GTF2IRD1: variants seen among roughly 807,000 people sequenced by gnomAD.
GTF2IRD1 encodes the protein general transcription factor II-I repeat domain-containing protein 1.
In GTF2IRD1, 26 loss-of-function variants were observed where a neutral mutation model predicts 113.2. The observed-to-expected ratio is 0.23, with a 90% CI of 0.17 to 0.32. The LOEUF (loss-of-function observed/expected upper bound fraction) is 0.32. Ranked by LOEUF, GTF2IRD1 falls within the 10% of genes least tolerant of loss-of-function variation. GTF2IRD1 has a pLI of 1.00. For synonymous variants in GTF2IRD1, 484 were observed against 529.1 expected (o/e 0.91, Z 1.17); for missense variants, 864 against 1,280.8 (o/e 0.67, Z 4.97).
chr7:74,460,398 C>T (rs1554328819), intron 1 of GTF2IRD1, among the ~76,000 whole-genome samples: 1 of 148,590 alleles, frequency 6.7e-6, no homozygotes, highest in Non-Finnish European at 1.5e-5. Flanking sequence ...AGCCTCTGCA[C>T]CTAGCTAATT....
chr7:74,536,299 G>A (rs782565324), intron 11 of GTF2IRD1, 24 bp downstream of exon 11: 1 of 1,466,948 alleles, frequency 6.8e-7, no homozygotes, highest in South Asian at 1.1e-5. Context: ...CCTGGCCCCG[G>A]AGGCCCGCGG....
At chr7:74,480,089 C>G (rs1362813337) in intron 1 of GTF2IRD1, among the ~76,000 whole-genome samples, 1 of 152,118 alleles carries the variant, frequency 6.6e-6, no homozygotes, top group Admixed American at 6.6e-5. Context: ...GAATTTTCCC[C>G]CGACTTGTAT....
intron 1 of GTF2IRD1, among the ~76,000 whole-genome samples, chr7:74,487,017 A>G (rs555822466): frequency 6.6e-5 from 10 of 152,156 alleles, no homozygotes; most frequent in Non-Finnish European, 1.5e-4. Flanking sequence ...AGTGATGTAG[A>G]TGAGAGAATT....
intron 6 of GTF2IRD1, 56 bp from the exon 7 acceptor site, chr7:74,521,152 C>A: frequency 9.9e-7 from 1 of 1,008,384 alleles, no homozygotes; most frequent in Admixed American, 1.7e-5. Context: ...GGGGCCAGAT[C>A]TGGGGAACCC....
intron 9 of GTF2IRD1, among the ~76,000 whole-genome samples, chr7:74,534,405 C>T (rs1798155948): frequency 6.6e-6 from 1 of 152,188 alleles, no homozygotes; most frequent in Admixed American, 6.6e-5. Flanking sequence ...AGTTCGAGAC[C>T]AGCCTGGCCA....
intron 22 of GTF2IRD1, among the ~76,000 whole-genome samples, chr7:74,578,465 C>T (rs1251613163): frequency 8.5e-5 from 13 of 152,196 alleles, no homozygotes; most frequent in African/African-American, 2.4e-4. Context: ...CATGAGCCAC[C>T]GCGCCCAGCC....
rs587667671 is a variant in GTF2IRD1 at position 74,523,522 on chromosome 7, C to G, written c.1007-549C>G. On this transcript the variant is annotated intron_variant, in intron 7 of 26. Coordinates refer to ENST00000424337, the MANE Select transcript of GTF2IRD1 (RefSeq NM_005685.4). ...ATCACCTGAGGTCAGGAGTTCGACA[C>G]CAGCCTGGCCAACATGGTGAAACCC... is the stretch of plus-strand genomic sequence containing the variant. Among the ~76,000 whole-genome samples the G allele has an allele frequency of 2.6e-5, 4 of 152,322 alleles. No homozygotes were observed. The South Asian group carries it at 8.3e-4, about 32-fold the overall frequency.
intron 1 of GTF2IRD1, among the ~76,000 whole-genome samples, chr7:74,460,418 T>A (rs972802093): frequency 4.7e-4 from 17 of 36,220 alleles, no homozygotes; most frequent in African/African-American, 1.5e-3. Flanking sequence ...TAAAAAAAAA[T>A]TTTTTTTTTT....
At chr7:74,584,181 T>C (rs587773088) in intron 22 of GTF2IRD1, among the ~76,000 whole-genome samples, 36 of 152,098 alleles carry the variant, frequency 2.4e-4, no homozygotes, top group African/African-American at 8.4e-4. Context: ...AGGGCCTGGG[T>C]ACGGTGGCTC....
chr7:74,480,387 G>A (rs1183431078), intron 1 of GTF2IRD1, among the ~76,000 whole-genome samples: 3 of 152,218 alleles, frequency 2.0e-5, no homozygotes, highest in Non-Finnish European at 2.9e-5. Flanking sequence ...AGGGGCCCCA[G>A]TGCAGGGGCA....
chr7:74,562,213 G>A (rs1430594217), intron 22 of GTF2IRD1, among the ~76,000 whole-genome samples: 1 of 152,234 alleles, frequency 6.6e-6, no homozygotes, highest in Non-Finnish European at 1.5e-5. Context: ...AATCGGAGTG[G>A]AAGCTGGGGT....
At chr7:74,522,742 C>A (rs2130326069) in intron 7 of GTF2IRD1, among the ~76,000 whole-genome samples, 1 of 152,270 alleles carries the variant, frequency 6.6e-6, no homozygotes, top group South Asian at 2.1e-4. Context: ...TTATCACAAG[C>A]AAGATACTCA....
At chr7:74,510,971 C>T (rs1796598083) in intron 2 of GTF2IRD1, among the ~76,000 whole-genome samples, 1 of 151,838 alleles carries the variant, frequency 6.6e-6, no homozygotes, top group South Asian at 2.1e-4. Flanking sequence ...ATCGCCTGAG[C>T]CTGGGAGGCA....
intron 7 of GTF2IRD1, among the ~76,000 whole-genome samples, chr7:74,523,509 C>T (rs1797410932): frequency 6.6e-6 from 1 of 152,160 alleles, no homozygotes; most frequent in East Asian, 1.9e-4. Flanking sequence ...CACCTGAGGT[C>T]AGGAGTTCGA....
chr7:74,515,516 T>C lies in GTF2IRD1; in HGVS notation c.341T>C (p.Leu114Pro). 2 of 1,613,748 alleles carry C rather than the reference T, an allele frequency of 1.2e-6. No individual in the cohort carries two copies. The highest frequency in any genetic ancestry group is 1.7e-6 in the Non-Finnish European group (2 of 1,179,794). ...CGGGGCGAGGGTGGAGGCCGTAGCC[T>C]CCCTCGGTCCTCCCTGGAACATGGC... ...VQRGEGGGRSLPRSSLEHGSD... is the reference protein window; with the variant it reads ...VQRGEGGGRSPPRSSLEHGSD... Residue 114 changes from leucine to proline, a missense_variant, in exon 4 of 27, where the codon CTC becomes CCC. Leu to Pro is a moderately conservative substitution (Grantham distance 98). This residue lies in a region of GTF2IRD1 where 182 missense variants were observed against 266.6 expected (regional missense o/e 0.68). Coordinates refer to ENST00000424337, the MANE Select transcript of GTF2IRD1 (RefSeq NM_005685.4).
rs782599594 is a variant in GTF2IRD1, at chr7:74,538,010, C to T, written c.1410-126C>T. The T allele has an allele frequency of 6.9e-5, 56 of 809,830 alleles. No homozygotes were observed. The African/African-American group carries it at 7.7e-4, about 11-fold the overall frequency. 50.2% of individuals were successfully genotyped at this position (809,830 alleles called of 1,614,324 possible). ...AGCACCATCCTGGAGGGCCAGGGGC[C>T]GATGGGGACAGGGATGCCTTCTGCA... On this transcript the variant is annotated intron_variant, in intron 11 of 26. Coordinates refer to ENST00000424337, the MANE Select transcript of GTF2IRD1 (RefSeq NM_005685.4).
chr7:74,531,739 G>A (rs1797976205), intron 9 of GTF2IRD1, among the ~76,000 whole-genome samples: 1 of 152,062 alleles, frequency 6.6e-6, no homozygotes, highest in Admixed American at 6.6e-5. Flanking sequence ...AAAAAAGTGG[G>A]GGGAGCCAGG....
chr7:74,477,128 C>G lies in GTF2IRD1; in HGVS notation c.-7+22952C>G, dbSNP rs1584479066. Among the ~76,000 whole-genome samples, 3 of 152,080 alleles carry G rather than the reference C, an allele frequency of 2.0e-5. 1 individual carries two copies. In the South Asian group the frequency reaches 6.2e-4, roughly 32 times the overall value. On this transcript the variant is annotated intron_variant, in intron 1 of 26. Coordinates refer to ENST00000424337, the MANE Select transcript of GTF2IRD1 (RefSeq NM_005685.4). Reference sequence around the variant, plus strand: ...CCTGTAATCCCAGCACTTTGGGAGGCTGAGGAGGGAGGATCACTTGAGGCC... The same window carrying G: ...CCTGTAATCCCAGCACTTTGGGAGGGTGAGGAGGGAGGATCACTTGAGGCC...
chr7:74,536,005 C>T (rs587627537), intron 10 of GTF2IRD1, among the ~76,000 whole-genome samples, 162 bp from the exon 11 acceptor site: 113 of 152,300 alleles, frequency 7.4e-4, no homozygotes, highest in Non-Finnish European at 1.0e-3. Flanking sequence ...CCCCAGGACC[C>T]GTTCCTGGCT....
Sources: gnomAD v4.1 joint callset for allele counts (sites outside exome capture counted in the v4.1 genomes callset) on GRCh38, gnomAD v4.1.1 for gene constraint, gnomAD v4.1.1 regional missense constraint, MANE v1.5 for transcripts, NCBI Gene and HGNC (gene_info 2026-07-23, HGNC 2026-07-21) for gene names.